FHOD3: variants seen among roughly 807,000 people sequenced by gnomAD.
FHOD3 encodes the protein formin homology 2 domain containing 3.
FHOD3 carries 90 observed loss-of-function variants against 173.0 expected under a neutral mutation model. The ratio of observed to expected loss-of-function variants is 0.52; its 90% CI spans 0.44 to 0.62. The LOEUF (loss-of-function observed/expected upper bound fraction) is 0.62, where lower values mean the gene tolerates loss of function less well. Ranked by LOEUF, FHOD3 falls within the 20% of genes least tolerant of loss-of-function variation. FHOD3 has a pLI of 0.00. For missense variants in FHOD3, 1,945 were observed against 2,034.7 expected, an observed-to-expected ratio of 0.96 and a Z score of 0.85; for synonymous variants, 828 against 823.0, an observed-to-expected ratio of 1.01 and a Z score of -0.10.
At chr18:36,590,060 G>A (rs78649045) in intron 6 of FHOD3, among the ~76,000 whole-genome samples, 2,958 of 152,154 alleles carry the variant, frequency 0.019, 125 homozygotes, top group East Asian at 0.15. Context: ...TGTTCCACTC[G>A]CCTCGTTTGT....
At chr18:36,434,839 T>G (rs2143322679) in intron 3 of FHOD3, among the ~76,000 whole-genome samples, 1 of 152,174 alleles carries the variant, frequency 6.6e-6, no homozygotes. Flanking sequence ...TTTCCAAATT[T>G]TATTGCTCAT....
chr18:36,326,276 A>G (rs149330539), intron 1 of FHOD3, among the ~76,000 whole-genome samples: 16 of 152,318 alleles, frequency 1.1e-4, no homozygotes, highest in Non-Finnish European at 2.1e-4. Context: ...TTTCCTTTAT[A>G]TCTTCCTTGT....
At chr18:36,693,063 T>A (rs957667910) in intron 16 of FHOD3, 146 bp from the exon 17 acceptor site, 1 of 747,606 alleles carries the variant, frequency 1.3e-6, no homozygotes, top group Non-Finnish European at 2.2e-6. Context: ...CTGGGTGTTT[T>A]TGGCAGGCTG....
At position 36,353,281 on chromosome 18, in the gene FHOD3, A is replaced by G. The variant is rs1015627481; in HGVS notation, c.166-2258A>G. Among the ~76,000 whole-genome samples, 11 of 152,204 alleles carry G rather than the reference A, an allele frequency of 7.2e-5. 1 individual carries two copies. Among genetic ancestry groups the G allele is most frequent in the Admixed American group, 5.9e-4 (9 of 15,282 alleles). ...CAAATAGGATTAACCCCTTCAAATG[A>G]CTTAACTAGGTATTTCTCACAAGTA... On this transcript the variant is annotated intron_variant, in intron 1 of 28. Transcript: ENST00000590592.
chr18:36,575,702 C>T (rs571820600), intron 5 of FHOD3, among the ~76,000 whole-genome samples: 25 of 152,232 alleles, frequency 1.6e-4, no homozygotes, highest in Admixed American at 1.6e-3. Context: ...CATGTAACTT[C>T]TGTTTGTTCA....
intron 9 of FHOD3, among the ~76,000 whole-genome samples, chr18:36,620,187 G>T (rs183075156): frequency 1.8e-3 from 280 of 152,304 alleles, no homozygotes; most frequent in African/African-American, 6.6e-3. Context: ...TCGTGCCTCT[G>T]TGGCCTCATC....
chr18:36,612,138 A>G (rs778265475), intron 9 of FHOD3, 43 bp downstream of exon 9: 5 of 1,592,768 alleles, frequency 3.1e-6, no homozygotes, highest in Non-Finnish European at 3.4e-6. Flanking sequence ...CAGCTTTGGC[A>G]ATTGTCAAAG....
chr18:36,439,533 G>A lies in FHOD3; in HGVS notation c.338-62399G>A, dbSNP rs1004803767. 6.8e-3 allele frequency among the ~76,000 whole-genome samples: 985 copies of A among 145,884 alleles called. 10 individuals are homozygous for A. Among genetic ancestry groups the A allele is most frequent in the African/African-American group, 0.023 (848 of 37,150 alleles). ...CAAAACCAATAGAATGTGTGTGTGTGTGTGTGTGTGTGTGTGTGTGTGTGT... is the reference window on the plus strand; with the variant it reads ...CAAAACCAATAGAATGTGTGTGTGTATGTGTGTGTGTGTGTGTGTGTGTGT... On this transcript the variant is annotated intron_variant, in intron 3 of 28. Coordinates refer to ENST00000590592, the MANE Select transcript of FHOD3 (RefSeq NM_001281740.3).
chr18:36,353,485 T>C (rs1177042071), intron 1 of FHOD3, among the ~76,000 whole-genome samples: 2 of 152,206 alleles, frequency 1.3e-5, no homozygotes, highest in Non-Finnish European at 2.9e-5. Flanking sequence ...AATCCCTTAT[T>C]TGAAATCTCA....
chr18:36,514,770 A>T (rs1244255258), intron 5 of FHOD3, among the ~76,000 whole-genome samples: 1 of 152,204 alleles, frequency 6.6e-6, no homozygotes, highest in Admixed American at 6.5e-5. Context: ...TTTACCTCCA[A>T]GCCCAGGCGA....
At chr18:36,494,440 T>C (rs568520508) in intron 3 of FHOD3, among the ~76,000 whole-genome samples, 209 of 152,354 alleles carry the variant, frequency 1.4e-3, no homozygotes, top group African/African-American at 4.7e-3. Context: ...CTTCTTGTGG[T>C]TACCAAAGAT....
intron 3 of FHOD3, among the ~76,000 whole-genome samples, chr18:36,419,308 A>C (rs1423785568): frequency 2.6e-5 from 4 of 151,836 alleles, no homozygotes; most frequent in Non-Finnish European, 5.9e-5. Flanking sequence ...GTTGTTGACT[A>C]TTCCTCTTGA....
rs567178427 is a variant in FHOD3 at position 36,545,426 on chromosome 18, A to C, written c.512-31025A>C. On this transcript the variant is annotated intron_variant, in intron 5 of 28. Transcript: ENST00000590592. ...ACGAGGAAGACCTCTTTGAAGACGT[A>C]ATGTTTCACCCAAAGAATGGAGCCA... 2.0e-5 allele frequency among the ~76,000 whole-genome samples: 3 copies of C among 152,248 alleles called. No homozygotes were observed. In the South Asian group the frequency reaches 6.2e-4, roughly 32 times the overall value.
chr18:36,495,272 G>A (rs1027930724), intron 3 of FHOD3, among the ~76,000 whole-genome samples: 4 of 152,002 alleles, frequency 2.6e-5, no homozygotes, highest in African/African-American at 9.7e-5. Flanking sequence ...CACCAGGAAG[G>A]GACCCACAGT....
chr18:36,594,735 G>T, intron 6 of FHOD3, 52 bp from the exon 7 acceptor site: 2 of 1,338,134 alleles, frequency 1.5e-6, no homozygotes, highest in Non-Finnish European at 1.1e-6. Context: ...GATGCTCTCT[G>T]GTGCACAGGG....
In FHOD3 at chr18:36,301,211, G is replaced by A. The variant is rs1297401849; in HGVS notation, c.165+3211G>A. Among the ~76,000 whole-genome samples the A allele has an allele frequency of 3.9e-5, 6 of 152,178 alleles. No homozygotes were observed. In the East Asian group the frequency reaches 1.2e-3, roughly 29 times the overall value. On this transcript the variant is annotated intron_variant, in intron 1 of 28. Transcript: ENST00000590592. ...CTCTCCTAGGGATTCTCCTGTGCTG[G>A]CAACCTTTGAACTGGACAACCTGTC...
At chr18:36,380,578 T>TTTTCTTTTCTTTTCC (rs1555686575) in intron 3 of FHOD3, among the ~76,000 whole-genome samples, 2 of 52,458 alleles carry the variant, frequency 3.8e-5, no homozygotes, top group Admixed American at 2.6e-4. Flanking sequence ...TTTTCTTTTC[T>TTTTCTTTTCTTTTCC]TTTCCTTTCC....
intron 3 of FHOD3, among the ~76,000 whole-genome samples, chr18:36,386,057 A>C (rs2048018776): frequency 6.6e-6 from 1 of 152,256 alleles, no homozygotes; most frequent in Non-Finnish European, 1.5e-5. Flanking sequence ...GTATGAGTTG[A>C]TATTCACAAA....
At chr18:36,393,902 CCCGGGGA>C (rs1568214209) in intron 3 of FHOD3, among the ~76,000 whole-genome samples, 1 of 152,086 alleles carries the variant, frequency 6.6e-6, no homozygotes, top group Non-Finnish European at 1.5e-5. Context: ...GATCCACAAG[CCCGGGGA>C]CTACAGATAT....
Sources: allele counts gnomAD v4.1 joint callset (sites outside exome capture counted in the v4.1 genomes callset), GRCh38; gene constraint gnomAD v4.1.1; transcripts MANE v1.5; gene names NCBI Gene and HGNC (gene_info 2026-07-23, HGNC 2026-07-21).